Variants in COL4A4 observed in about 807,000 individuals in gnomAD.
The protein encoded by COL4A4 is collagen alpha-4(IV) chain.
Under a neutral mutation model 192.9 loss-of-function variants are expected in COL4A4, and 105 were observed. That is an observed-to-expected ratio of 0.54 (90% confidence interval 0.46 to 0.64). The LOEUF is 0.64. Among genes scored for constraint, COL4A4 ranks in the 30% least tolerant of loss-of-function variants. The pLI is 0.00. For synonymous variants in COL4A4, 762 were observed against 769.9 expected, an observed-to-expected ratio of 0.99 and a Z score of 0.17; for missense variants, 1,967 against 2,169.3, an observed-to-expected ratio of 0.91 and a Z score of 1.85.
intron 43 of COL4A4, among the ~76,000 whole-genome samples, chr2:227,023,143 C>T (rs1233491424): frequency 1.3e-5 from 2 of 151,978 alleles, no homozygotes; most frequent in East Asian, 1.9e-4. Flanking sequence ...CTGGGAATCT[C>T]ACTTTGAAAA....
intron 37 of COL4A4, among the ~76,000 whole-genome samples, chr2:227,040,387 A>G (rs1378011706): frequency 4.6e-5 from 7 of 152,134 alleles, no homozygotes; most frequent in African/African-American, 1.7e-4. Flanking sequence ...CTATTTGTCC[A>G]TTCATTCATA....
chr2:227,018,401 A>T (rs1965344810), intron 44 of COL4A4, among the ~76,000 whole-genome samples: 1 of 152,210 alleles, frequency 6.6e-6, no homozygotes, highest in Non-Finnish European at 1.5e-5. Context: ...GGCCCTTAGA[A>T]TATACCTGTC....
intron 25 of COL4A4, among the ~76,000 whole-genome samples, chr2:227,069,338 G>A (rs1410073848): frequency 6.6e-6 from 1 of 151,998 alleles, no homozygotes; most frequent in Non-Finnish European, 1.5e-5. Flanking sequence ...AGCTACCAAT[G>A]ACTTTCTTCA....
Position 227,109,294 on chromosome 2 carries a change from T to C in COL4A4, c.595-8A>G. On this transcript the variant is annotated splice_region_variant and splice_polypyrimidine_tract_variant and intron_variant, in intron 9 of 47. Transcript: ENST00000396625. ...TCCTGCACCCCAAGATCCCTAAACA[T>C]GAGAAAAATCAGTGCATCTGTTACC... 1 of 1,613,144 alleles carries C rather than the reference T, an allele frequency of 6.2e-7. No homozygotes were observed. Among genetic ancestry groups the C allele is most frequent in the Non-Finnish European group, 8.5e-7 (1 of 1,179,082 alleles).
rs539588948 is a variant in COL4A4 at position 227,069,724 on chromosome 2, C to T, written c.1988-7126G>A. On this transcript the variant is annotated intron_variant, in intron 25 of 47. Transcript: ENST00000396625. ...ACCTTATACAAAAATCAATTCAAGA[C>T]GGATTAAAGACTTAAACATTAGACC... 1.1e-3 allele frequency among the ~76,000 whole-genome samples: 174 copies of T among 152,046 alleles called. 2 individuals carry two copies. Among genetic ancestry groups the T allele is most frequent in the African/African-American group, 3.6e-3 (150 of 41,466 alleles).
Position 227,059,333 on chromosome 2 carries a change from A to C in COL4A4, c.2383+72T>G, listed in dbSNP as rs1576203762. 2.3e-6 allele frequency: 3 copies of C among 1,277,836 alleles called. No homozygotes were observed. In the East Asian group the frequency reaches 6.9e-5, roughly 29 times the overall value. The allele number at this position is 1,277,836 out of a possible 1,614,324, so 79.2% of individuals were successfully genotyped here. A position where few individuals can be genotyped will look rare whatever the true frequency, so the allele number is the denominator to read the frequency against. Reference sequence around the variant, plus strand: ...CTACATGCCTAAAGCAAAATAATCTAAACGTTCTTCAGTGACCTGTTCCAA... The same window carrying C: ...CTACATGCCTAAAGCAAAATAATCTCAACGTTCTTCAGTGACCTGTTCCAA... On this transcript the variant is annotated intron_variant, in intron 28 of 47. Coordinates refer to ENST00000396625, the MANE Select transcript of COL4A4 (RefSeq NM_000092.5).
chr2:227,078,290 T>C (rs2059141960), intron 24 of COL4A4, among the ~76,000 whole-genome samples: 1 of 152,206 alleles, frequency 6.6e-6, no homozygotes, highest in Non-Finnish European at 1.5e-5. Context: ...TCACCCAGGC[T>C]GGTGTGCAGT....
rs1305583691 is a variant in COL4A4, at chr2:227,007,103, G to C, written c.*222C>G. 1.2e-5 allele frequency: 8 copies of C among 653,432 alleles called. No homozygotes were observed. The highest frequency in any genetic ancestry group is 1.6e-5 in the Non-Finnish European group (6 of 368,540). The allele number at this position is 653,432 out of a possible 1,614,324, so 40.5% of individuals were successfully genotyped here. On this transcript the variant is annotated 3_prime_UTR_variant, in exon 48 of 48. Transcript: ENST00000396625. ...TTCGATCATCCTCAGTAAAATAAGAGTATCTAGGCTCCCTAGATTGGGAGG... is the reference window on the plus strand; with the variant it reads ...TTCGATCATCCTCAGTAAAATAAGACTATCTAGGCTCCCTAGATTGGGAGG...
At position 227,102,786 on chromosome 2, in the gene COL4A4, T is replaced by A; in HGVS notation, c.930+3A>T. ...ACTGATGTTAACAGCAAATGATGCTTACCCGAGGCCCTGGAAATCCAGGAA... is the reference window on the plus strand; with the variant it reads ...ACTGATGTTAACAGCAAATGATGCTAACCCGAGGCCCTGGAAATCCAGGAA... On this transcript the variant is annotated splice_donor_region_variant and intron_variant, in intron 15 of 47. Coordinates refer to ENST00000396625, the MANE Select transcript of COL4A4 (RefSeq NM_000092.5). 6.2e-7 allele frequency: 1 copy of A among 1,612,580 alleles called. No individual in the cohort carries two copies.
chr2:227,130,746 A>G (rs1395535743), intron 4 of COL4A4, among the ~76,000 whole-genome samples: 1 of 152,164 alleles, frequency 6.6e-6, no homozygotes, highest in African/African-American at 2.4e-5. Flanking sequence ...TGCAAGTCCA[A>G]ACCTGGACTC....
At chr2:227,045,491 C>T (rs994617901) in intron 35 of COL4A4, among the ~76,000 whole-genome samples, 6 of 151,528 alleles carry the variant, frequency 4.0e-5, no homozygotes, top group African/African-American at 2.4e-5. Context: ...ATGTCTAGGC[C>T]GGGCACAGTG....
chr2:227,001,782 T>C (rs1961017292), downstream of COL4A4, among the ~76,000 whole-genome samples: 1 of 151,670 alleles, frequency 6.6e-6, no homozygotes, highest in Non-Finnish European at 1.5e-5. Flanking sequence ...TGCTGTGACA[T>C]AGTAGACGGT....
intron 25 of COL4A4, among the ~76,000 whole-genome samples, chr2:227,071,750 CAAAATTATACAAATACATGG>C (rs1453996580): frequency 6.6e-6 from 1 of 152,068 alleles, no homozygotes; most frequent in Admixed American, 6.6e-5. Flanking sequence ...AAGGAACCCT[CAAAATTATACAAATACATGG>C]AAATTAAATA....
chr2:226,987,832 A>G, the COL4A4 span, among the ~76,000 whole-genome samples: 3 of 152,220 alleles, frequency 2.0e-5, no homozygotes, highest in Non-Finnish European at 2.9e-5. Flanking sequence ...CTGGGCTCCA[A>G]CCACCACTTA....
intron 33 of COL4A4, 134 bp downstream of exon 33, chr2:227,050,843 T>G: frequency 4.8e-6 from 5 of 1,050,456 alleles, no homozygotes; most frequent in East Asian, 2.4e-5. Flanking sequence ...ATTTTCTCCT[T>G]GAGCTACACC....
chr2:226,996,575 A>C, the COL4A4 span: 3 of 152,180 alleles, frequency 2.0e-5, no homozygotes, highest in Non-Finnish European at 4.4e-5. Flanking sequence ...TAAAAGAGAG[A>C]AGCAGGAAAA....
intron 12 of COL4A4, among the ~76,000 whole-genome samples, chr2:227,107,895 C>T (rs992034473): frequency 7.2e-5 from 11 of 151,726 alleles, no homozygotes; most frequent in African/African-American, 1.5e-4. Context: ...GTACCTGGGA[C>T]TACAGGCACG....
the COL4A4 span, among the ~76,000 whole-genome samples, chr2:226,975,675 A>G: frequency 2.6e-5 from 4 of 152,202 alleles, no homozygotes; most frequent in Admixed American, 2.0e-4. Flanking sequence ...ATGCAGAAGG[A>G]ACTCATTAAA....
At chr2:227,019,719 G>A (rs1228433510) in intron 44 of COL4A4, among the ~76,000 whole-genome samples, 2 of 152,240 alleles carry the variant, frequency 1.3e-5, no homozygotes, top group African/African-American at 2.4e-5. Flanking sequence ...CCAGGCTAGA[G>A]TGCAGTGGTG....
Sources: allele counts gnomAD v4.1 joint callset (sites outside exome capture counted in the v4.1 genomes callset), GRCh38; gene constraint gnomAD v4.1.1; transcripts MANE v1.5; gene names NCBI Gene and HGNC (gene_info 2026-07-23, HGNC 2026-07-21).